HSD17B11: variants seen among roughly 807,000 people sequenced by gnomAD.
HSD17B11 encodes hydroxysteroid 17-beta dehydrogenase 11, also known as estradiol 17-beta-dehydrogenase 11.
In HSD17B11, 22 loss-of-function variants were observed where a neutral mutation model predicts 27.8. The observed-to-expected ratio is 0.79, with a 90% CI of 0.56 to 1.13. The LOEUF is 1.13. Ranked by LOEUF, HSD17B11 falls within the 50% of genes most tolerant of loss-of-function variation. The pLI, the probability that HSD17B11 is intolerant of heterozygous loss-of-function variation, is 0.00. For missense variants in HSD17B11, 314 were observed against 351.1 expected, an observed-to-expected ratio of 0.89 and a Z score of 0.84; for synonymous variants, 117 against 132.8, an observed-to-expected ratio of 0.88 and a Z score of 0.82.
intron 4 of HSD17B11, among the ~76,000 whole-genome samples, chr4:87,358,401 C>G (rs192117657): frequency 6.6e-6 from 1 of 152,270 alleles, no homozygotes; most frequent in Admixed American, 6.5e-5. Context: ...ATGAATGAAT[C>G]ACAATGCAAA....
chr4:87,342,490 T>G (rs1244722850), intron 5 of HSD17B11, among the ~76,000 whole-genome samples: 1 of 151,964 alleles, frequency 6.6e-6, no homozygotes, highest in Non-Finnish European at 1.5e-5. Context: ...GAGGATCACT[T>G]GAGCCCAGGA....
chr4:87,369,193 T>C (rs1735664221), intron 4 of HSD17B11, among the ~76,000 whole-genome samples: 1 of 152,186 alleles, frequency 6.6e-6, no homozygotes. Flanking sequence ...CAAGAATATA[T>C]TGAAAGTCAG....
chr4:87,374,674 T>G, intron 3 of HSD17B11, 25 bp downstream of exon 3: 3 of 1,584,810 alleles, frequency 1.9e-6, no homozygotes, highest in Non-Finnish European at 2.6e-6. Context: ...AAAAGGAACA[T>G]TTTTGTAAAA....
At chr4:87,378,841 T>TAAATATAC (rs1311612328) in intron 2 of HSD17B11, among the ~76,000 whole-genome samples, 9 of 31,712 alleles carry the variant, frequency 2.8e-4, no homozygotes, top group African/African-American at 1.7e-3. Context: ...AATATATATA[T>TAAATATAC]ATAAATATAT....
At chr4:87,347,103 A>ATTTTTTTTTTTTTT (rs763068482) in intron 5 of HSD17B11, among the ~76,000 whole-genome samples, 6 of 62,590 alleles carry the variant, frequency 9.6e-5, no homozygotes, top group African/African-American at 2.6e-4. Flanking sequence ...AGTATTCTGG[A>ATTTTTTTTTTTTTT]TTTTTTTTTT....
intron 2 of HSD17B11, among the ~76,000 whole-genome samples, chr4:87,375,681 C>T (rs7677089): frequency 0.052 from 7,993 of 152,250 alleles, 711 homozygotes; most frequent in African/African-American, 0.18. Context: ...GCGGAAGTTG[C>T]GGTGAGCTGA....
chr4:87,378,792 TGATTTTATATATATATATA>T (rs1560768878), intron 2 of HSD17B11, among the ~76,000 whole-genome samples: 6 of 102,060 alleles, frequency 5.9e-5, no homozygotes, highest in African/African-American at 2.4e-4. Flanking sequence ...TATATATATA[TGATTTTATATATATATATA>T]AATATAAAAT....
intron 1 of HSD17B11, among the ~76,000 whole-genome samples, chr4:87,382,897 TAGAA>T (rs1302562590): frequency 6.6e-6 from 1 of 152,142 alleles, no homozygotes; most frequent in Non-Finnish European, 1.5e-5. Context: ...CTCTGTGTAG[TAGAA>T]AGAAACATAA....
At chr4:87,387,068 G>A (rs1720339774) in intron 1 of HSD17B11, 1 of 152,144 alleles carries the variant, frequency 6.6e-6, no homozygotes, top group Admixed American at 6.5e-5. Context: ...CTGAACTTAT[G>A]CAGACATGCA....
intron 1 of HSD17B11, among the ~76,000 whole-genome samples, chr4:87,383,589 C>G (rs181528924): frequency 6.6e-6 from 1 of 152,088 alleles, no homozygotes; most frequent in Non-Finnish European, 1.5e-5. Flanking sequence ...GATCACGCTG[C>G]CACATGTCAG....
chr4:87,380,863 CAAAAAAAAAAAAAAA>C (rs561938045), intron 2 of HSD17B11, among the ~76,000 whole-genome samples: 10 of 74,692 alleles, frequency 1.3e-4, no homozygotes, highest in Non-Finnish European at 1.2e-4. Context: ...GACTCTATCT[CAAAAAAAAAAAAAAA>C]AAAAAAAAAA....
At chr4:87,339,105 A>C (rs1435221022) in intron 6 of HSD17B11, among the ~76,000 whole-genome samples, 1 of 152,202 alleles carries the variant, frequency 6.6e-6, no homozygotes, top group Non-Finnish European at 1.5e-5. Flanking sequence ...ACTCTTCAAA[A>C]TGCAGAGCAT....
intron 1 of HSD17B11, among the ~76,000 whole-genome samples, chr4:87,388,702 C>G (rs926897882): frequency 2.0e-5 from 3 of 152,296 alleles, no homozygotes; most frequent in African/African-American, 7.2e-5. Flanking sequence ...GGCATACTGC[C>G]CCTAGCTCAT....
intron 2 of HSD17B11, 114 bp downstream of exon 2, chr4:87,382,141 G>A: frequency 1.3e-6 from 1 of 759,416 alleles, no homozygotes; most frequent in Non-Finnish European, 2.2e-6. Context: ...TATAACCTTG[G>A]TCAAATAACA....
chr4:87,388,398 C>T (rs1422270785), intron 1 of HSD17B11, among the ~76,000 whole-genome samples: 3 of 152,216 alleles, frequency 2.0e-5, no homozygotes, highest in South Asian at 2.1e-4. Flanking sequence ...CTACTACCTA[C>T]CACTGTGTTG....
In HSD17B11 at chr4:87,340,262, T is replaced by C. The variant is rs551856088; in HGVS notation, c.812+228A>G. 70 of 273,152 alleles carry C rather than the reference T, an allele frequency of 2.6e-4. No homozygotes were observed. The East Asian group carries it at 4.2e-3, about 17-fold the overall frequency. The allele number at this position is 273,152 out of a possible 1,614,324, so 16.9% of individuals were successfully genotyped here. On this transcript the variant is annotated intron_variant, in intron 6 of 6. Coordinates refer to ENST00000358290, the MANE Select transcript of HSD17B11 (RefSeq NM_016245.5). ...ATTTATAAGACAAGACTTGCAGAAA[T>C]ATACAAATTTCTTTCTTTACAAAAA...
At chr4:87,378,948 T>TATATATATATA (rs1560769667) in intron 2 of HSD17B11, among the ~76,000 whole-genome samples, 4 of 15,852 alleles carry the variant, frequency 2.5e-4, no homozygotes, top group African/African-American at 2.0e-3. Flanking sequence ...ATATATATAT[T>TATATATATATA]TATATATATA....
chr4:87,354,701 A>G (rs904036094), intron 5 of HSD17B11, among the ~76,000 whole-genome samples: 1 of 152,036 alleles, frequency 6.6e-6, no homozygotes, highest in Non-Finnish European at 1.5e-5. Flanking sequence ...TTTACCTTCA[A>G]ATTAACCCTT....
chr4:87,362,757 A>G (rs113533533), intron 4 of HSD17B11, among the ~76,000 whole-genome samples: 541 of 151,900 alleles, frequency 3.6e-3, no homozygotes, highest in Non-Finnish European at 6.9e-3. Context: ...TAAAAGGGGA[A>G]ACTTGAGAGC....
Sources: gnomAD v4.1 joint callset for allele counts (sites outside exome capture counted in the v4.1 genomes callset) on GRCh38, gnomAD v4.1.1 for gene constraint, MANE v1.5 for transcripts, NCBI Gene and HGNC (gene_info 2026-07-23, HGNC 2026-07-21) for gene names.